KAT2B: variants seen among roughly 807,000 people sequenced by gnomAD.
KAT2B encodes histone acetyltransferase KAT2B.
Under a neutral mutation model 105.9 loss-of-function variants are expected in KAT2B, and 36 were observed. The observed-to-expected ratio is 0.34, with a 90% confidence interval of 0.26 to 0.45. The LOEUF is 0.45. Ranked by LOEUF, KAT2B falls within the 20% of genes least tolerant of loss-of-function variation. KAT2B has a pLI of 1.00. For missense variants in KAT2B, 820 were observed against 1,021.6 expected, an observed-to-expected ratio of 0.80 and a Z score of 2.69; for synonymous variants, 397 against 377.9, an observed-to-expected ratio of 1.05 and a Z score of -0.59.
chr3:20,045,536 A>G (rs1209824744), intron 1 of KAT2B, among the ~76,000 whole-genome samples: 2 of 151,988 alleles, frequency 1.3e-5, no homozygotes, highest in African/African-American at 2.4e-5. Flanking sequence ...TTTTAATGTT[A>G]TAAAAGAAAC....
intron 11 of KAT2B, among the ~76,000 whole-genome samples, chr3:20,131,908 G>A (rs917593862): frequency 6.6e-6 from 1 of 152,098 alleles, no homozygotes; most frequent in African/African-American, 2.4e-5. Flanking sequence ...TAAAAATCTT[G>A]GCTAAATGGC....
At chr3:20,126,648 C>A (rs549220204) in intron 10 of KAT2B, among the ~76,000 whole-genome samples, 4 of 151,658 alleles carry the variant, frequency 2.6e-5, no homozygotes, top group African/African-American at 9.7e-5. Context: ...CATGGAGAAA[C>A]CCCGTCTCTA....
intron 11 of KAT2B, among the ~76,000 whole-genome samples, chr3:20,130,583 A>G (rs1699491675): frequency 6.6e-6 from 1 of 152,200 alleles, no homozygotes; most frequent in Non-Finnish European, 1.5e-5. Context: ...ATGCTGATTA[A>G]GGTTGAGTTG....
chr3:20,061,820 G>T (rs1410501303), intron 1 of KAT2B, among the ~76,000 whole-genome samples: 2 of 82,324 alleles, frequency 2.4e-5, no homozygotes, highest in Non-Finnish European at 5.2e-5. Context: ...TATACATAAA[G>T]TATATAATAT....
intron 2 of KAT2B, among the ~76,000 whole-genome samples, chr3:20,075,907 CA>C (rs34270654): frequency 1.6e-3 from 217 of 133,196 alleles, no homozygotes; most frequent in Middle Eastern, 8.3e-3. Context: ...ACTCCCATCT[CA>C]AAAAAAAAAA....
At chr3:20,116,218 G>C (rs900262417) in intron 7 of KAT2B, among the ~76,000 whole-genome samples, 1 of 151,892 alleles carries the variant, frequency 6.6e-6, no homozygotes, top group East Asian at 1.9e-4. Context: ...TGTTTTCTGT[G>C]GTTACTGGAC....
rs981797411 is a variant in KAT2B, at chr3:20,152,467, A to G, written c.2441A>G (p.Asn814Ser). Reference protein sequence around the residue: ...PPESEYYKCANILEKFFFSKI... With the variant: ...PPESEYYKCASILEKFFFSKI... ...GAGAGTGAATACTACAAATGTGCCA[A>G]TATCCTGGAGAAATTCTTCTTCAGT... The change falls in exon 18 of 18, where the codon AAT becomes AGT. Residue 814 changes from asparagine to serine, a missense_variant. Asn to Ser is a conservative substitution (Grantham distance 46, BLOSUM62 1). Around this residue, in one of 6 missense-constraint regions of KAT2B, gnomAD observed 227 missense variants for 292.9 expected, o/e 0.77. Coordinates refer to ENST00000263754, the MANE Select transcript of KAT2B (RefSeq NM_003884.5). 5.0e-6 allele frequency: 8 copies of G among 1,613,376 alleles called. No homozygotes were observed. The highest frequency in any genetic ancestry group is 1.6e-4 in the Middle Eastern group (1 of 6,082).
chr3:20,045,327 ATTTATT>A (rs1355880337), intron 1 of KAT2B, among the ~76,000 whole-genome samples: 2 of 103,302 alleles, frequency 1.9e-5, no homozygotes, highest in African/African-American at 9.0e-5. Flanking sequence ...CTATTTATTT[ATTTATT>A]TATTTATTTA....
chr3:20,049,247 A>T (rs1338620584), intron 1 of KAT2B, among the ~76,000 whole-genome samples: 7 of 152,258 alleles, frequency 4.6e-5, no homozygotes, highest in African/African-American at 1.7e-4. Context: ...GTGAAGATTA[A>T]ATACTTCAGG....
At chr3:20,100,709 A>T (rs1698895485) in intron 4 of KAT2B, among the ~76,000 whole-genome samples, 1 of 152,198 alleles carries the variant, frequency 6.6e-6, no homozygotes, top group Non-Finnish European at 1.5e-5. Context: ...AAATTAGATG[A>T]GATGGAAATA....
chr3:20,070,465 C>T lies in KAT2B; in HGVS notation c.304-1868C>T, dbSNP rs575213862. Among the ~76,000 whole-genome samples the T allele has an allele frequency of 1.5e-3, 225 of 151,294 alleles. 1 individual carries two copies. The highest frequency in any genetic ancestry group is 5.1e-3 in the African/African-American group (210 of 41,340). ...GACTACAGGCGCCTGCCACCACGCC[C>T]GGCTAATTTTTTGTATTTTTAGTAG... is the stretch of plus-strand genomic sequence containing the variant. On this transcript the variant is annotated intron_variant, in intron 1 of 17. Transcript: ENST00000263754.
intron 1 of KAT2B, among the ~76,000 whole-genome samples, chr3:20,042,210 G>A (rs1050028636): frequency 2.6e-5 from 4 of 152,156 alleles, no homozygotes; most frequent in African/African-American, 9.7e-5. Flanking sequence ...ATTCAGACCT[G>A]GACAATATAT....
Position 20,142,189 on chromosome 3 carries a change from C to T in KAT2B, c.2004+1825C>T, listed in dbSNP as rs566472973. On this transcript the variant is annotated intron_variant, in intron 13 of 17. Transcript: ENST00000263754. ...ACAGGGGAACGCCAGAAGCGCAGAGCTATTTTAGATGGCTAACAAAGCAGT... is the reference window on the plus strand; with the variant it reads ...ACAGGGGAACGCCAGAAGCGCAGAGTTATTTTAGATGGCTAACAAAGCAGT... Among the ~76,000 whole-genome samples the T allele has an allele frequency of 1.2e-4, 19 of 152,274 alleles. No homozygotes were observed. The Middle Eastern group carries it at 0.014, about 109-fold the overall frequency.
chr3:20,109,518 A>G (rs546873437), intron 5 of KAT2B, among the ~76,000 whole-genome samples: 63 of 152,192 alleles, frequency 4.1e-4, no homozygotes, highest in African/African-American at 1.4e-3. Context: ...GCGTCTTACT[A>G]TGTTGCCCAG....
chr3:20,067,898 C>T lies in KAT2B; in HGVS notation c.304-4435C>T, dbSNP rs1291664399. 3.9e-5 allele frequency among the ~76,000 whole-genome samples: 6 copies of T among 152,082 alleles called. No homozygotes were observed. The East Asian group carries it at 1.2e-3, about 29-fold the overall frequency. On this transcript the variant is annotated intron_variant, in intron 1 of 17. Coordinates refer to ENST00000263754, the MANE Select transcript of KAT2B (RefSeq NM_003884.5). The stretch of plus-strand genomic sequence containing the variant: ...CCATGTTGGCCAGGCTGGTCTCGAA[C>T]TCCTGACCTCAGGTGATCTGCCTGC...
At chr3:20,056,439 A>G (rs1445079627) in intron 1 of KAT2B, among the ~76,000 whole-genome samples, 2 of 152,202 alleles carry the variant, frequency 1.3e-5, no homozygotes, top group African/African-American at 4.8e-5. Context: ...GATACATTAG[A>G]TATGTCTGTT....
chr3:20,042,457 T>C (rs1697736708), intron 1 of KAT2B, among the ~76,000 whole-genome samples: 1 of 152,156 alleles, frequency 6.6e-6, no homozygotes, highest in African/African-American at 2.4e-5. Flanking sequence ...CAGGGCATAC[T>C]GCTTGGGTGA....
Position 20,072,387 on chromosome 3 carries a change from C to A in KAT2B, c.358C>A (p.Pro120Thr). Reference protein sequence around the residue: ...GWKNPNPSPTPPRADLQQIIV... With the variant: ...GWKNPNPSPTTPRADLQQIIV... ...GAAAAACCCTAACCCCTCACCCACT[C>A]CCCCCAGAGCCGACCTGCAGCAAAT... The change falls in exon 2 of 18, where the codon CCC (proline) becomes ACC (threonine). Residue 120 changes from proline to threonine, a missense_variant. By Grantham distance (38) the Pro-to-Thr change is conservative. Coordinates refer to ENST00000263754, the MANE Select transcript of KAT2B (RefSeq NM_003884.5). 1.2e-5 allele frequency: 20 copies of A among 1,612,172 alleles called. No homozygotes were observed. Among genetic ancestry groups the A allele is most frequent in the East Asian group, 2.2e-5 (1 of 44,874 alleles).
intron 8 of KAT2B, among the ~76,000 whole-genome samples, chr3:20,119,928 A>C (rs372710550): frequency 3.3e-5 from 5 of 152,144 alleles, no homozygotes; most frequent in African/African-American, 1.2e-4. Context: ...GTCATAGCTC[A>C]CTCATTTGGT....
Sources: allele counts gnomAD v4.1 joint callset (sites outside exome capture counted in the v4.1 genomes callset), GRCh38; gene constraint gnomAD v4.1.1; regional missense constraint gnomAD v4.1.1; transcripts MANE v1.5; gene names NCBI Gene and HGNC (gene_info 2026-07-23, HGNC 2026-07-21).